The following SLIT2 variants were observed in gnomAD, a reference collection of about 807,000 sequenced individuals.
SLIT2 encodes the protein slit homolog 2 protein.
SLIT2 carries 41 observed loss-of-function variants against 185.7 expected under a neutral mutation model. That is an observed-to-expected ratio of 0.22 (90% CI 0.17 to 0.29). The LOEUF (loss-of-function observed/expected upper bound fraction) is 0.29. SLIT2 is among the 10% of genes least tolerant of loss of function. The pLI is 1.00. For synonymous variants in SLIT2, 693 were observed against 680.2 expected, an observed-to-expected ratio of 1.02 and a Z score of -0.29; for missense variants, 1,571 against 1,909.0, an observed-to-expected ratio of 0.82 and a Z score of 3.30.
chr4:20,347,451 G>A (rs552096572), intron 4 of SLIT2, among the ~76,000 whole-genome samples: 8 of 152,204 alleles, frequency 5.3e-5, no homozygotes, highest in African/African-American at 9.7e-5. Context: ...TGGTGAGGGA[G>A]AAGACTACAT....
At chr4:20,274,652 AAC>A (rs980900443) in intron 4 of SLIT2, among the ~76,000 whole-genome samples, 6 of 152,156 alleles carry the variant, frequency 3.9e-5, no homozygotes, top group African/African-American at 1.2e-4. Flanking sequence ...TGCTGTTACC[AAC>A]ACACAGAGTG....
chr4:20,481,132 A>G (rs1193420505), intron 6 of SLIT2, among the ~76,000 whole-genome samples: 1 of 152,094 alleles, frequency 6.6e-6, no homozygotes, highest in African/African-American at 2.4e-5. Flanking sequence ...GATATCTTGG[A>G]ATAATTTGTC....
intron 4 of SLIT2, among the ~76,000 whole-genome samples, chr4:20,337,242 T>C (rs1386783851): frequency 6.6e-6 from 1 of 152,074 alleles, no homozygotes; most frequent in South Asian, 2.1e-4. Flanking sequence ...CTCACAATCA[T>C]GGCGGAAGGC....
intron 4 of SLIT2, among the ~76,000 whole-genome samples, chr4:20,450,627 C>A (rs1712367977): frequency 6.6e-6 from 1 of 152,188 alleles, no homozygotes; most frequent in Admixed American, 6.5e-5. Context: ...TTCAATCCAA[C>A]TGGGTACACT....
At chr4:20,385,281 A>G (rs558377881) in intron 4 of SLIT2, among the ~76,000 whole-genome samples, 9 of 152,302 alleles carry the variant, frequency 5.9e-5, no homozygotes, top group African/African-American at 1.9e-4. Context: ...CTATTTGTAA[A>G]TTATTTCATC....
At chr4:20,396,309 G>A (rs1725884290) in intron 4 of SLIT2, among the ~76,000 whole-genome samples, 1 of 151,822 alleles carries the variant, frequency 6.6e-6, no homozygotes, top group Non-Finnish European at 1.5e-5. Context: ...AAGAATAAAT[G>A]AAGGCACAAA....
At chr4:20,356,379 AAGAC>A (rs1315203640) in intron 4 of SLIT2, among the ~76,000 whole-genome samples, 1 of 152,170 alleles carries the variant, frequency 6.6e-6, no homozygotes, top group Non-Finnish European at 1.5e-5. Context: ...TTTTCAAACT[AAGAC>A]AGGTGCAAAG....
At chr4:20,472,376 C>CTAGA (rs1553908462) in intron 5 of SLIT2, among the ~76,000 whole-genome samples, 2 of 9,258 alleles carry the variant, frequency 2.2e-4, no homozygotes, top group African/African-American at 1.3e-3. Flanking sequence ...ATATCTATAT[C>CTAGA]TATATATATG....
chr4:20,312,856 T>A (rs1202797332), intron 4 of SLIT2, among the ~76,000 whole-genome samples: 1 of 151,990 alleles, frequency 6.6e-6, no homozygotes, highest in East Asian at 1.9e-4. Context: ...CTTCTTTAAA[T>A]GGCAAATATA....
chr4:20,598,600 T>C (rs574181357), intron 33 of SLIT2, among the ~76,000 whole-genome samples: 54 of 152,186 alleles, frequency 3.5e-4, no homozygotes, highest in African/African-American at 1.2e-3. Context: ...GGGACTGCTA[T>C]GCACAAAGAG....
chr4:20,271,015 TAAAC>T lies in SLIT2; in HGVS notation c.395+2138_395+2141del, dbSNP rs1322631433. 4.6e-5 allele frequency among the ~76,000 whole-genome samples: 7 copies of T among 152,108 alleles called. No homozygotes were observed. The East Asian group carries it at 7.7e-4, about 17-fold the overall frequency. On this transcript the variant is annotated intron_variant, in intron 4 of 36. Transcript: ENST00000504154. The stretch of plus-strand genomic sequence containing the variant: ...AACAACTGCCATTGGAAGTCTTTAA[TAAAC>T]AAAGGAACACGTGCTTGTGAAGCTC...
At chr4:20,406,475 C>T (rs981275868) in intron 4 of SLIT2, among the ~76,000 whole-genome samples, 10 of 143,072 alleles carry the variant, frequency 7.0e-5, no homozygotes, top group African/African-American at 9.8e-5. Flanking sequence ...CCAATAAAAA[C>T]GAAAGAGAGG....
chr4:20,548,689 C>CA, intron 23 of SLIT2, 130 bp downstream of exon 23: 1 of 647,612 alleles, frequency 1.5e-6, no homozygotes, highest in Non-Finnish European at 2.8e-6. Context: ...GAGAAACAGA[C>CA]AAAACCACGA....
intron 33 of SLIT2, among the ~76,000 whole-genome samples, chr4:20,606,031 G>A (rs978478657): frequency 2.2e-4 from 34 of 152,014 alleles, no homozygotes; most frequent in Non-Finnish European, 4.4e-4. Context: ...TTACAGGCGT[G>A]AGCCACCACG....
chr4:20,442,606 C>T (rs1032148174), intron 4 of SLIT2, among the ~76,000 whole-genome samples: 3 of 150,988 alleles, frequency 2.0e-5, no homozygotes, highest in Non-Finnish European at 4.4e-5. Flanking sequence ...ATGTGAAACT[C>T]GGAAAGGAGC....
At chr4:20,306,369 C>T (rs1275258344) in intron 4 of SLIT2, among the ~76,000 whole-genome samples, 1 of 152,096 alleles carries the variant, frequency 6.6e-6, no homozygotes, top group East Asian at 1.9e-4. Context: ...CAAATGAAAC[C>T]TGTCCATTTA....
intron 9 of SLIT2, among the ~76,000 whole-genome samples, chr4:20,499,102 G>T (rs1045480542): frequency 1.3e-5 from 2 of 152,286 alleles, no homozygotes; most frequent in Admixed American, 1.3e-4. Context: ...CAGAATGGCT[G>T]TTATTAACAA....
chr4:20,582,040 C>T (rs1726623434), intron 29 of SLIT2, among the ~76,000 whole-genome samples: 1 of 152,198 alleles, frequency 6.6e-6, no homozygotes, highest in Admixed American at 6.5e-5. Flanking sequence ...AGCCACTGTG[C>T]CCAGCCAGAG....
chr4:20,422,182 A>C (rs1187176641), intron 4 of SLIT2, among the ~76,000 whole-genome samples: 1 of 152,162 alleles, frequency 6.6e-6, no homozygotes. Flanking sequence ...AATTGCGTGC[A>C]TTGTCAATGT....
Sources: allele counts gnomAD v4.1 joint callset (sites outside exome capture counted in the v4.1 genomes callset), GRCh38; gene constraint gnomAD v4.1.1; transcripts MANE v1.5; gene names NCBI Gene and HGNC (gene_info 2026-07-23, HGNC 2026-07-21).